PEBP4: variants seen among roughly 807,000 people sequenced by gnomAD.
The protein encoded by PEBP4 is phosphatidylethanolamine-binding protein 4.
Under a neutral mutation model 23.9 loss-of-function variants are expected in PEBP4, and 22 were observed. The observed-to-expected ratio is 0.92, with a 90% CI of 0.66 to 1.31. PEBP4 has a LOEUF of 1.31. Among genes scored for constraint, PEBP4 ranks in the 40% most tolerant of loss-of-function variants. The pLI is 0.00. For synonymous variants in PEBP4, 112 were observed against 99.3 expected (o/e 1.13, Z -0.76); for missense variants, 324 against 281.7 (o/e 1.15, Z -1.07).
At chr8:22,824,311 T>C (rs1806923137) in intron 3 of PEBP4, among the ~76,000 whole-genome samples, 1 of 152,146 alleles carries the variant, frequency 6.6e-6, no homozygotes, top group Non-Finnish European at 1.5e-5. Flanking sequence ...CCCTCATTCT[T>C]CTCCTGTTTA....
chr8:22,793,832 C>T (rs1806189536), intron 4 of PEBP4, among the ~76,000 whole-genome samples: 1 of 152,078 alleles, frequency 6.6e-6, no homozygotes, highest in African/African-American at 2.4e-5. Context: ...GTGCTGAAAG[C>T]TATATACATT....
At chr8:22,727,961 T>G (rs1208926649) in intron 4 of PEBP4, among the ~76,000 whole-genome samples, 4 of 152,006 alleles carry the variant, frequency 2.6e-5, no homozygotes, top group Admixed American at 6.5e-5. Flanking sequence ...GATGCTCAGA[T>G]GAAAGAGACT....
At chr8:22,891,595 G>A (rs1326959168) in intron 3 of PEBP4, among the ~76,000 whole-genome samples, 1 of 152,238 alleles carries the variant, frequency 6.6e-6, no homozygotes, top group Admixed American at 6.5e-5. Flanking sequence ...TCAGGGTCCT[G>A]TGGGCAAATG....
chr8:22,897,027 ATGTGTGTGTG>A (rs140900653), intron 3 of PEBP4, among the ~76,000 whole-genome samples: 27 of 149,112 alleles, frequency 1.8e-4, no homozygotes, highest in Middle Eastern at 3.5e-3. Flanking sequence ...ATCTGTGTGT[ATGTGTGTGTG>A]TGTGTGTGTA....
At chr8:22,864,881 G>T (rs938650273) in intron 3 of PEBP4, among the ~76,000 whole-genome samples, 6 of 152,218 alleles carry the variant, frequency 3.9e-5, no homozygotes, top group Non-Finnish European at 8.8e-5. Flanking sequence ...GACCCGCAGC[G>T]CACCCCATCT....
chr8:22,933,620 A>C (rs992157272), intron 1 of PEBP4, among the ~76,000 whole-genome samples: 1 of 152,230 alleles, frequency 6.6e-6, no homozygotes, highest in Non-Finnish European at 1.5e-5. Flanking sequence ...CCAGATAAAC[A>C]AAAGCTTAGG....
chr8:22,787,567 G>C (rs2128756289), intron 4 of PEBP4, among the ~76,000 whole-genome samples: 1 of 152,350 alleles, frequency 6.6e-6, no homozygotes, highest in African/African-American at 2.4e-5. Flanking sequence ...AAAGAGAAAA[G>C]AGGAGTTATC....
intron 4 of PEBP4, among the ~76,000 whole-genome samples, chr8:22,790,226 T>G (rs1386715630): frequency 6.6e-6 from 1 of 152,238 alleles, no homozygotes; most frequent in Non-Finnish European, 1.5e-5. Context: ...CATTCACTCA[T>G]TTATTTATTC....
intron 3 of PEBP4, among the ~76,000 whole-genome samples, chr8:22,905,842 T>C (rs369160156): frequency 1.3e-5 from 2 of 152,264 alleles, no homozygotes; most frequent in East Asian, 3.9e-4. Flanking sequence ...CACGATAACA[T>C]ACTGAAAAAG....
chr8:22,927,312 C>G (rs939472674), intron 2 of PEBP4, among the ~76,000 whole-genome samples: 1 of 152,108 alleles, frequency 6.6e-6, no homozygotes. Flanking sequence ...AAAGACCCCC[C>G]AGGTTTGGAG....
intron 4 of PEBP4, among the ~76,000 whole-genome samples, chr8:22,767,955 G>A (rs1212798441): frequency 1.2e-4 from 19 of 152,094 alleles, no homozygotes; most frequent in Non-Finnish European, 2.5e-4. Context: ...GGCTGGTCTC[G>A]AACTCTTGAC....
chr8:22,889,623 T>A (rs904043929), intron 3 of PEBP4, among the ~76,000 whole-genome samples: 2 of 152,172 alleles, frequency 1.3e-5, no homozygotes, highest in African/African-American at 4.8e-5. Flanking sequence ...AAATTGCTTT[T>A]TAACAAGCAG....
chr8:22,903,550 G>T (rs753283394), intron 3 of PEBP4, among the ~76,000 whole-genome samples: 1 of 152,176 alleles, frequency 6.6e-6, no homozygotes, highest in Non-Finnish European at 1.5e-5. Context: ...GAGGGAGTGC[G>T]TGAAGGGTTA....
At chr8:22,806,653 A>C (rs1020279872) in intron 4 of PEBP4, among the ~76,000 whole-genome samples, 11 of 151,162 alleles carry the variant, frequency 7.3e-5, no homozygotes, top group Non-Finnish European at 1.6e-4. Context: ...AAGGTGAGGC[A>C]CTCAGGCCAG....
chr8:22,837,572 C>A (rs1354636731), intron 3 of PEBP4, among the ~76,000 whole-genome samples: 3 of 152,182 alleles, frequency 2.0e-5, no homozygotes, highest in Admixed American at 2.0e-4. Flanking sequence ...AGTTAGCCTG[C>A]CCAGGGGACT....
At chr8:22,750,936 G>A (rs191146251) in intron 4 of PEBP4, among the ~76,000 whole-genome samples, 65 of 152,128 alleles carry the variant, frequency 4.3e-4, no homozygotes, top group African/African-American at 1.1e-3. Context: ...GAGAGAGAGA[G>A]AAAAAAATGC....
chr8:22,747,301 T>G (rs1191084202), intron 4 of PEBP4, among the ~76,000 whole-genome samples: 1 of 152,170 alleles, frequency 6.6e-6, no homozygotes, highest in African/African-American at 2.4e-5. Context: ...CCCCCACCCT[T>G]GTTCAGGCTC....
At chr8:22,794,849 T>C (rs1446586882) in intron 4 of PEBP4, among the ~76,000 whole-genome samples, 3 of 152,184 alleles carry the variant, frequency 2.0e-5, no homozygotes, top group African/African-American at 7.2e-5. Flanking sequence ...GATTCTATTA[T>C]GGTTTAACTT....
At chr8:22,771,851 A>C (rs1180662850) in intron 4 of PEBP4, among the ~76,000 whole-genome samples, 1 of 152,194 alleles carries the variant, frequency 6.6e-6, no homozygotes, top group Non-Finnish European at 1.5e-5. Flanking sequence ...ACTGCCCCTT[A>C]ATCTATGTGT....
Sources: allele counts gnomAD v4.1 joint callset (sites outside exome capture counted in the v4.1 genomes callset), GRCh38; gene constraint gnomAD v4.1.1; transcripts MANE v1.5; gene names NCBI Gene and HGNC (gene_info 2026-07-23, HGNC 2026-07-21).